The following GLIS3 variants were observed in gnomAD, a reference collection of about 807,000 sequenced individuals.
The protein encoded by GLIS3 is zinc finger protein GLIS3.
GLIS3 carries 53 observed loss-of-function variants against 78.6 expected under a neutral mutation model. The ratio of observed to expected loss-of-function variants is 0.67; its 90% CI spans 0.54 to 0.85. The LOEUF is 0.85. Among genes scored for constraint, GLIS3 ranks in the 40% least tolerant of loss-of-function variants. The pLI is 0.00. For synonymous variants in GLIS3, 684 were observed against 509.9 expected, an observed-to-expected ratio of 1.34 and a Z score of -4.60; for missense variants, 1,703 against 1,231.1, an observed-to-expected ratio of 1.38 and a Z score of -5.74.
chr9:4,004,341 T>C (rs1821368234), intron 4 of GLIS3, among the ~76,000 whole-genome samples: 1 of 151,978 alleles, frequency 6.6e-6, no homozygotes. Flanking sequence ...AAATAACAGA[T>C]TGGATGGAAG....
intron 2 of GLIS3, among the ~76,000 whole-genome samples, chr9:4,153,724 C>T (rs940237691): frequency 1.3e-4 from 20 of 152,270 alleles, no homozygotes; most frequent in African/African-American, 4.3e-4. Context: ...GGTAGTGGGT[C>T]AACAGTTTAT....
chr9:4,205,979 G>A (rs989950337), intron 2 of GLIS3, among the ~76,000 whole-genome samples: 1 of 152,066 alleles, frequency 6.6e-6, no homozygotes, highest in African/African-American at 2.4e-5. Context: ...TTGTTTGTTT[G>A]TTTGCTTGCT....
chr9:3,911,934 T>C (rs1824180724), intron 6 of GLIS3, among the ~76,000 whole-genome samples: 2 of 152,202 alleles, frequency 1.3e-5, no homozygotes. Flanking sequence ...GGGATATATT[T>C]TCTCTTTATC....
chr9:4,229,435 A>G (rs1363291969), intron 2 of GLIS3, among the ~76,000 whole-genome samples: 1 of 152,240 alleles, frequency 6.6e-6, no homozygotes, highest in African/African-American at 2.4e-5. Flanking sequence ...GGATCTGAGC[A>G]AAAGAGCACA....
intron 4 of GLIS3, among the ~76,000 whole-genome samples, chr9:4,036,922 G>A (rs749265685): frequency 6.6e-5 from 10 of 152,124 alleles, no homozygotes; most frequent in Non-Finnish European, 1.0e-4. Flanking sequence ...AATAAAAGGG[G>A]CAGACCGCAG....
chr9:4,022,445 AT>A (rs756574213), intron 4 of GLIS3, among the ~76,000 whole-genome samples: 2 of 152,334 alleles, frequency 1.3e-5, no homozygotes, highest in East Asian at 3.9e-4. Context: ...TATGCAAAAA[AT>A]ATTAAACTTT....
intron 4 of GLIS3, among the ~76,000 whole-genome samples, chr9:4,051,314 G>A (rs1159504078): frequency 6.6e-6 from 1 of 152,200 alleles, no homozygotes; most frequent in Non-Finnish European, 1.5e-5. Context: ...TGTGGCAGGG[G>A]CGGGGATAGG....
intron 2 of GLIS3, among the ~76,000 whole-genome samples, chr9:4,339,008 G>A (rs1817796497): frequency 6.6e-6 from 1 of 152,166 alleles, no homozygotes; most frequent in African/African-American, 2.4e-5. Context: ...AAACTATGTT[G>A]AAAAGCGGCA....
intron 2 of GLIS3, among the ~76,000 whole-genome samples, chr9:4,321,942 A>G (rs1817535278): frequency 6.6e-6 from 1 of 152,056 alleles, no homozygotes; most frequent in Admixed American, 6.6e-5. Flanking sequence ...GGTTTGTTAC[A>G]TATGTATACA....
At chr9:3,932,027 C>G (rs1825651875) in intron 6 of GLIS3, among the ~76,000 whole-genome samples, 1 of 152,184 alleles carries the variant, frequency 6.6e-6, no homozygotes. Context: ...GCTATCTGAA[C>G]TTAACTTCTA....
intron 2 of GLIS3, among the ~76,000 whole-genome samples, chr9:4,130,171 A>G (rs1417118263): frequency 2.0e-5 from 3 of 152,252 alleles, no homozygotes; most frequent in African/African-American, 4.8e-5. Flanking sequence ...ATATGTGAGC[A>G]AAGAAATGAG....
At chr9:4,216,220 C>A (rs1820817119) in intron 2 of GLIS3, among the ~76,000 whole-genome samples, 1 of 151,818 alleles carries the variant, frequency 6.6e-6, no homozygotes, top group Non-Finnish European at 1.5e-5. Context: ...CACCTGTAAT[C>A]CCAGCACTTT....
intron 8 of GLIS3, among the ~76,000 whole-genome samples, chr9:3,876,355 G>T (rs1451235531): frequency 6.6e-6 from 1 of 151,770 alleles, no homozygotes; most frequent in Non-Finnish European, 1.5e-5. Context: ...ATCCCTATTA[G>T]ATCCCTGAAT....
At chr9:4,467,792 C>T in the GLIS3 span, among the ~76,000 whole-genome samples, 6 of 152,094 alleles carry the variant, frequency 3.9e-5, no homozygotes, top group East Asian at 7.7e-4. Flanking sequence ...ACGACTCTGA[C>T]GAGTTGAGAG....
At chr9:4,416,247 G>GTT in the GLIS3 span, among the ~76,000 whole-genome samples, 28,568 of 54,070 alleles carry the variant, frequency 0.53, 6,863 homozygotes, top group South Asian at 0.64. Flanking sequence ...GTGAGACACT[G>GTT]TTTTTAAAAA....
intron 2 of GLIS3, among the ~76,000 whole-genome samples, chr9:4,279,991 A>C (rs1033603979): frequency 6.6e-6 from 1 of 152,116 alleles, no homozygotes; most frequent in Non-Finnish European, 1.5e-5. Flanking sequence ...TGAAATAAAA[A>C]ATAATATAAA....
At chr9:4,196,606 G>A (rs143479027) in intron 2 of GLIS3, among the ~76,000 whole-genome samples, 10 of 152,132 alleles carry the variant, frequency 6.6e-5, no homozygotes, top group Non-Finnish European at 1.0e-4. Context: ...AACACTCACC[G>A]CAAAGGTATG....
At chr9:4,149,789 G>A (rs1834523397) in intron 2 of GLIS3, among the ~76,000 whole-genome samples, 1 of 152,056 alleles carries the variant, frequency 6.6e-6, no homozygotes, top group Non-Finnish European at 1.5e-5. Flanking sequence ...GAGAATCACA[G>A]CACAAAATAA....
rs557193778 is a variant in GLIS3 at position 3,844,916 on chromosome 9, C to T, written c.2473+11093G>A. On this transcript the variant is annotated intron_variant, in intron 9 of 10. Transcript: ENST00000381971. ...CTAACATTCAGTGTGAGGAAATGGG[C>T]CCTGTGATGTGCTGCTGATGAGAGT... is the stretch of plus-strand genomic sequence containing the variant. Among the ~76,000 whole-genome samples the T allele has an allele frequency of 3.9e-5, 6 of 152,234 alleles. No individual in the cohort carries two copies. The South Asian group carries it at 1.2e-3, about 32-fold the overall frequency.
Sources: gnomAD v4.1 joint callset for allele counts (sites outside exome capture counted in the v4.1 genomes callset) on GRCh38, gnomAD v4.1.1 for gene constraint, MANE v1.5 for transcripts, NCBI Gene and HGNC (gene_info 2026-07-23, HGNC 2026-07-21) for gene names.